Variants in LRRTM4 observed in about 807,000 individuals in gnomAD.
LRRTM4 encodes leucine rich repeat transmembrane neuronal 4.
A neutral mutation model predicts 47.6 loss-of-function variants in LRRTM4; 25 were observed. That is an observed-to-expected ratio of 0.53 (90% CI 0.38 to 0.73). LRRTM4 has a LOEUF of 0.73. Among genes scored for constraint, LRRTM4 ranks in the 30% least tolerant of loss-of-function variants. The pLI is 0.00. For missense variants in LRRTM4, 638 were observed against 713.4 expected, an observed-to-expected ratio of 0.89 and a Z score of 1.20; for synonymous variants, 311 against 269.5, an observed-to-expected ratio of 1.15 and a Z score of -1.51.
intron 3 of LRRTM4, among the ~76,000 whole-genome samples, chr2:77,432,411 T>A (rs1159608193): frequency 1.3e-5 from 2 of 152,260 alleles, no homozygotes; most frequent in African/African-American, 4.8e-5. Flanking sequence ...GCTATGATTA[T>A]GTCAAATAAT....
intron 3 of LRRTM4, among the ~76,000 whole-genome samples, chr2:76,932,699 TATATGA>T (rs1674811836): frequency 6.6e-6 from 1 of 152,142 alleles, no homozygotes; most frequent in Admixed American, 6.6e-5. Context: ...ACATGTTATA[TATATGA>T]ATGTGTTCAT....
rs147825377 is a variant in LRRTM4, at chr2:77,244,881, T to C, written c.1551+273437A>G. ...CCAAAGTTCATGAGAAAACAAATCC[T>C]GGCAACATCCGTGTAAGTAACTTTG... On this transcript the variant is annotated intron_variant, in intron 3 of 3. Coordinates refer to ENST00000409884, the MANE Select transcript of LRRTM4 (RefSeq NM_001134745.3). Among the ~76,000 whole-genome samples the C allele has an allele frequency of 5.3e-3, 811 of 152,198 alleles. 10 individuals carry two copies. The highest frequency in any genetic ancestry group is 0.019 in the African/African-American group (780 of 41,526).
At chr2:76,862,324 A>G (rs1471567418) in intron 3 of LRRTM4, among the ~76,000 whole-genome samples, 1 of 152,144 alleles carries the variant, frequency 6.6e-6, no homozygotes, top group Non-Finnish European at 1.5e-5. Flanking sequence ...TTAAATGGCA[A>G]TTCACAGCAT....
chr2:76,981,639 C>T (rs1676611409), intron 3 of LRRTM4, among the ~76,000 whole-genome samples: 1 of 151,978 alleles, frequency 6.6e-6, no homozygotes, highest in South Asian at 2.1e-4. Context: ...ACTACAGGGG[C>T]ATGCCACCAT....
At chr2:76,778,895 T>G (rs1674186952) in intron 3 of LRRTM4, among the ~76,000 whole-genome samples, 2 of 151,772 alleles carry the variant, frequency 1.3e-5, no homozygotes, top group African/African-American at 4.9e-5. Context: ...TTTGTGGGCA[T>G]TTAGTGCTAT....
intron 3 of LRRTM4, among the ~76,000 whole-genome samples, chr2:77,251,706 A>G (rs1411766691): frequency 6.6e-6 from 1 of 152,204 alleles, no homozygotes; most frequent in Non-Finnish European, 1.5e-5. Flanking sequence ...TAGAGACTAT[A>G]TTTGAGCCAG....
At chr2:76,792,104 G>T (rs1291816012) in intron 3 of LRRTM4, among the ~76,000 whole-genome samples, 1 of 151,632 alleles carries the variant, frequency 6.6e-6, no homozygotes, top group Non-Finnish European at 1.5e-5. Context: ...AATGCCCATA[G>T]TTAGAGAAAT....
chr2:77,049,153 TATATAC>T (rs1407360903), intron 3 of LRRTM4, among the ~76,000 whole-genome samples: 89 of 129,474 alleles, frequency 6.9e-4, no homozygotes, highest in African/African-American at 1.9e-3. Flanking sequence ...TATATATATA[TATATAC>T]ACACACACAC....
chr2:77,119,618 C>A (rs979330455), intron 3 of LRRTM4, among the ~76,000 whole-genome samples: 1 of 151,704 alleles, frequency 6.6e-6, no homozygotes, highest in South Asian at 2.1e-4. Context: ...GATTTCTGCC[C>A]CTTGGAGCTT....
At chr2:76,905,088 G>A (rs1673778565) in intron 3 of LRRTM4, among the ~76,000 whole-genome samples, 1 of 152,126 alleles carries the variant, frequency 6.6e-6, no homozygotes, top group Non-Finnish European at 1.5e-5. Flanking sequence ...AGCCTAACTA[G>A]GAGGCACCCC....
chr2:77,048,104 T>A (rs1679294571), intron 3 of LRRTM4, among the ~76,000 whole-genome samples: 1 of 152,022 alleles, frequency 6.6e-6, no homozygotes, highest in African/African-American at 2.4e-5. Flanking sequence ...GTCATGAAAA[T>A]AAAGTCAAAT....
chr2:77,395,341 G>T (rs1200573018), intron 3 of LRRTM4, among the ~76,000 whole-genome samples: 1 of 151,904 alleles, frequency 6.6e-6, no homozygotes, highest in African/African-American at 2.4e-5. Context: ...CTTACTTCAT[G>T]TGTATGAATT....
chr2:77,172,093 C>T (rs1673064577), intron 3 of LRRTM4, among the ~76,000 whole-genome samples: 1 of 152,292 alleles, frequency 6.6e-6, no homozygotes, highest in African/African-American at 2.4e-5. Flanking sequence ...CAATTTCCTT[C>T]TCTTATACTT....
intron 3 of LRRTM4, among the ~76,000 whole-genome samples, chr2:76,872,517 T>C (rs1386653351): frequency 6.6e-6 from 1 of 151,864 alleles, no homozygotes; most frequent in Admixed American, 6.6e-5. Flanking sequence ...AAACCATACA[T>C]GGGTTCTGCA....
At chr2:76,854,825 T>TTC (rs36002751) in intron 3 of LRRTM4, among the ~76,000 whole-genome samples, 30 of 151,650 alleles carry the variant, frequency 2.0e-4, no homozygotes, top group African/African-American at 7.3e-4. Context: ...TTTTTTTTTT[T>TTC]CACAGAGCTA....
intron 3 of LRRTM4, among the ~76,000 whole-genome samples, chr2:76,846,991 G>A (rs982613794): frequency 3.9e-5 from 6 of 152,164 alleles, no homozygotes; most frequent in Non-Finnish European, 5.9e-5. Flanking sequence ...GAGATCTTCT[G>A]AGGAGAATAA....
chr2:76,944,859 A>G (rs1004572588), intron 3 of LRRTM4, among the ~76,000 whole-genome samples: 6 of 152,106 alleles, frequency 3.9e-5, no homozygotes, highest in Non-Finnish European at 5.9e-5. Flanking sequence ...AGAATAATCT[A>G]TTTGTAAAGG....
At chr2:77,456,139 A>G (rs2103961532) in intron 3 of LRRTM4, among the ~76,000 whole-genome samples, 1 of 152,230 alleles carries the variant, frequency 6.6e-6, no homozygotes, top group East Asian at 1.9e-4. Context: ...ACAAATCCCT[A>G]CTGACTAAAT....
chr2:76,959,448 A>C (rs999698610), intron 3 of LRRTM4, among the ~76,000 whole-genome samples: 41 of 144,360 alleles, frequency 2.8e-4, no homozygotes, highest in African/African-American at 1.0e-3. Flanking sequence ...ATTTCTGGGG[A>C]AAAAAAACAC....
Sources: allele counts gnomAD v4.1 joint callset (sites outside exome capture counted in the v4.1 genomes callset), GRCh38; gene constraint gnomAD v4.1.1; transcripts MANE v1.5; gene names NCBI Gene and HGNC (gene_info 2026-07-23, HGNC 2026-07-21).